Variants in AGPAT4 observed in about 807,000 individuals in gnomAD.
AGPAT4 encodes the protein 1-acyl-sn-glycerol-3-phosphate acyltransferase delta.
In AGPAT4, 15 loss-of-function variants were observed where a neutral mutation model predicts 48.0. That is an observed-to-expected ratio of 0.31 (90% CI 0.21 to 0.48). The LOEUF (loss-of-function observed/expected upper bound fraction) is 0.48. Ranked by LOEUF, AGPAT4 falls within the 20% of genes least tolerant of loss-of-function variation. The pLI, the probability that AGPAT4 is intolerant of heterozygous loss-of-function variation, is 0.99. For synonymous variants in AGPAT4, 178 were observed against 198.7 expected, an observed-to-expected ratio of 0.90 and a Z score of 0.88; for missense variants, 314 against 482.5, an observed-to-expected ratio of 0.65 and a Z score of 3.27.
In AGPAT4 at chr6:161,232,904, C is replaced by G. The variant is rs1044384526; in HGVS notation, c.-89-602G>C. The stretch of plus-strand genomic sequence containing the variant: ...TAGGGAAGCATTTACTTGAAAACCA[C>G]CACTGTTTCTCCAGCACATGAGAGC... On this transcript the variant is annotated intron_variant, in intron 1 of 8. Coordinates refer to ENST00000320285, the MANE Select transcript of AGPAT4 (RefSeq NM_020133.3). This position sits in a 1 kb window ranked among gnomAD's most constrained non-coding sequence, Gnocchi z 6.8. Among the ~76,000 whole-genome samples the G allele has an allele frequency of 1.3e-5, 2 of 152,182 alleles. No homozygotes were observed. The highest frequency in any genetic ancestry group is 1.3e-4 in the Admixed American group (2 of 15,278).
rs75284345 is a variant in AGPAT4 at position 161,136,945 on chromosome 6, C to T, written c.1043-311G>A. Among the ~76,000 whole-genome samples, 412 of 152,332 alleles carry T rather than the reference C, an allele frequency of 2.7e-3. 1 individual carries two copies. Among genetic ancestry groups the T allele is most frequent in the African/African-American group, 9.6e-3 (399 of 41,562 alleles). On this transcript the variant is annotated intron_variant, in intron 8 of 8. Transcript: ENST00000320285. Reference sequence around the variant, plus strand: ...AGAAATCCCTGGCTTCCTCTGCTGACCCCCAGGTAAAGAGGATTCTTTTGT... The same window carrying T: ...AGAAATCCCTGGCTTCCTCTGCTGATCCCCAGGTAAAGAGGATTCTTTTGT...
In AGPAT4 at chr6:161,171,716, T is replaced by G. The variant is rs1437205649; in HGVS notation, c.179-5299A>C. On this transcript the variant is annotated intron_variant, in intron 2 of 8. Transcript: ENST00000320285. The surrounding 1 kb of genome is among the most constrained non-coding windows in gnomAD (Gnocchi z 4.4). ...CATCCTGGCTAACACAGTGAAACCC[T>G]GTCTCTACTAAAAATACAAAAAAAA... Among the ~76,000 whole-genome samples the G allele has an allele frequency of 6.7e-6, 1 of 149,148 alleles. No individual in the cohort carries two copies. The highest frequency in any genetic ancestry group is 6.7e-5 in the Admixed American group (1 of 14,914).
intron 7 of AGPAT4, among the ~76,000 whole-genome samples, chr6:161,145,285 G>A (rs1184846941): frequency 2.0e-5 from 3 of 151,592 alleles, no homozygotes; most frequent in Admixed American, 1.3e-4. Flanking sequence ...ACTGGGGTTC[G>A]GGCCTGGGAA....
chr6:161,182,100 C>T (rs149701579), intron 2 of AGPAT4, among the ~76,000 whole-genome samples: 1 of 152,204 alleles, frequency 6.6e-6, no homozygotes, highest in African/African-American at 2.4e-5. Context: ...TCTGAACAGG[C>T]AGCAGGGCAA....
intron 2 of AGPAT4, among the ~76,000 whole-genome samples, chr6:161,224,945 A>T (rs2115030379): frequency 6.6e-6 from 1 of 152,286 alleles, no homozygotes; most frequent in South Asian, 2.1e-4. Context: ...TTCTACTTTT[A>T]ATCTTAACTT....
rs1782803106 is a variant in AGPAT4, at chr6:161,251,545, C to T, written c.-89-19243G>A. ...CCTCTCCACCTGATCTCCTCTTCCT[C>T]TCCCAGAGGCTGCACAACGTTACCC... On this transcript the variant is annotated intron_variant, in intron 1 of 8. Coordinates refer to ENST00000320285, the MANE Select transcript of AGPAT4 (RefSeq NM_020133.3). The surrounding 1 kb of genome is among the most constrained non-coding windows in gnomAD (Gnocchi z 4.6). Among the ~76,000 whole-genome samples, 5 of 152,346 alleles carry T rather than the reference C, an allele frequency of 3.3e-5. No homozygotes were observed. In the South Asian group the frequency reaches 1.0e-3, roughly 32 times the overall value.
chr6:161,221,394 T>C lies in AGPAT4; in HGVS notation c.178+10642A>G, dbSNP rs1313364459. ...AGGATTTCTTGGCCTCGTCCATGGA[T>C]AAAAGCAAGGTATTTTATCGTATAA... On this transcript the variant is annotated intron_variant, in intron 2 of 8. Coordinates refer to ENST00000320285, the MANE Select transcript of AGPAT4 (RefSeq NM_020133.3). The surrounding 1 kb of genome is among the most constrained non-coding windows in gnomAD (Gnocchi z 4.5). Among the ~76,000 whole-genome samples the C allele has an allele frequency of 1.3e-5, 2 of 152,178 alleles. No homozygotes were observed. Among genetic ancestry groups the C allele is most frequent in the South Asian group, 2.1e-4 (1 of 4,824 alleles).
In AGPAT4 at chr6:161,233,482, T is replaced by C. The variant is rs1782185259; in HGVS notation, c.-89-1180A>G. ...CTTTTTTAATAATGAACAATCTGTA[T>C]ACAGATGGTCCTCGACTTATGATTC... On this transcript the variant is annotated intron_variant, in intron 1 of 8. Coordinates refer to ENST00000320285, the MANE Select transcript of AGPAT4 (RefSeq NM_020133.3). This position sits in a 1 kb window ranked among gnomAD's most constrained non-coding sequence, Gnocchi z 5.4. 6.6e-6 allele frequency among the ~76,000 whole-genome samples: 1 copy of C among 152,218 alleles called. No individual in the cohort carries two copies. The highest frequency in any genetic ancestry group is 1.5e-5 in the Non-Finnish European group (1 of 68,040).
rs112313316 is a variant in AGPAT4, at chr6:161,138,019, G to A, written c.1043-1385C>T. Among the ~76,000 whole-genome samples the A allele has an allele frequency of 2.4e-4, 37 of 152,290 alleles. No individual in the cohort carries two copies. The highest frequency in any genetic ancestry group is 6.7e-4 in the African/African-American group (28 of 41,558). On this transcript the variant is annotated intron_variant, in intron 8 of 8. Transcript: ENST00000320285. The surrounding 1 kb of genome is among the most constrained non-coding windows in gnomAD (Gnocchi z 4.8). ...TCCTGAAGGGGCCCCTCTCCAAGAC[G>A]GCGTGGGTGTGTGTGTGCCTTGCTG...
In AGPAT4 at chr6:161,234,009, T is replaced by C. The variant is rs1157387616; in HGVS notation, c.-89-1707A>G. Among the ~76,000 whole-genome samples the C allele has an allele frequency of 6.6e-6, 1 of 152,164 alleles. No individual in the cohort carries two copies. Among genetic ancestry groups the C allele is most frequent in the Non-Finnish European group, 1.5e-5 (1 of 68,036 alleles). ...ACTGATCTTGGGGCTCAGTTTTAAC[T>C]CCGAGCTCTTTCTCCTGCACGTGTC... On this transcript the variant is annotated intron_variant, in intron 1 of 8. Coordinates refer to ENST00000320285, the MANE Select transcript of AGPAT4 (RefSeq NM_020133.3). The surrounding 1 kb of genome is among the most constrained non-coding windows in gnomAD (Gnocchi z 4.4).
Position 161,261,512 on chromosome 6 carries a change from A to C in AGPAT4, c.-90+12426T>G, listed in dbSNP as rs1388403091. On this transcript the variant is annotated intron_variant, in intron 1 of 8. Transcript: ENST00000320285. The surrounding 1 kb of genome is among the most constrained non-coding windows in gnomAD (Gnocchi z 5.3). The stretch of plus-strand genomic sequence containing the variant: ...TCACATTCACCACACTGCTCCAGGG[A>C]AACGCCCGGCTCACGGCTGACTCAT... Among the ~76,000 whole-genome samples the C allele has an allele frequency of 2.0e-5, 3 of 152,198 alleles. No individual in the cohort carries two copies. Among genetic ancestry groups the C allele is most frequent in the Non-Finnish European group, 4.4e-5 (3 of 68,038 alleles).
intron 2 of AGPAT4, among the ~76,000 whole-genome samples, chr6:161,181,960 T>G (rs970258866): frequency 6.6e-6 from 1 of 152,168 alleles, no homozygotes; most frequent in Non-Finnish European, 1.5e-5. Context: ...ACATGAATGA[T>G]AGTCCCTCTG....
Position 161,266,758 on chromosome 6 carries a change from T to C in AGPAT4, c.-90+7180A>G, listed in dbSNP as rs3798949. Reference sequence around the variant, plus strand: ...GATGATTGCATTGATTGTCTGCTGATGGCTGCAGTATCCTGGGAAGAAGAT... The same window carrying C: ...GATGATTGCATTGATTGTCTGCTGACGGCTGCAGTATCCTGGGAAGAAGAT... On this transcript the variant is annotated intron_variant, in intron 1 of 8. Coordinates refer to ENST00000320285, the MANE Select transcript of AGPAT4 (RefSeq NM_020133.3). This position sits in a 1 kb window ranked among gnomAD's most constrained non-coding sequence, Gnocchi z 6.2. Among the ~76,000 whole-genome samples the C allele has an allele frequency of 0.058, 8,784 of 152,302 alleles. 401 individuals are homozygous for C. The highest frequency in any genetic ancestry group is 0.27 in the East Asian group (1,393 of 5,170).
intron 3 of AGPAT4, chr6:161,160,698 G>A (rs2114973678): frequency 1.2e-5 from 4 of 326,470 alleles, no homozygotes; most frequent in South Asian, 1.1e-4. Flanking sequence ...GGTCACGGCT[G>A]TCAGGACACA....
Position 161,238,959 on chromosome 6 carries a change from T to C in AGPAT4, c.-89-6657A>G, listed in dbSNP as rs963837766. Among the ~76,000 whole-genome samples, 2 of 152,218 alleles carry C rather than the reference T, an allele frequency of 1.3e-5. No individual in the cohort carries two copies. The highest frequency in any genetic ancestry group is 4.8e-5 in the African/African-American group (2 of 41,446). ...AGAACTGTGAGTCAATTAAACCTCT[T>C]TCCTTTATAAATTACCCAGTCTCGA... On this transcript the variant is annotated intron_variant, in intron 1 of 8. Transcript: ENST00000320285. This position sits in a 1 kb window ranked among gnomAD's most constrained non-coding sequence, Gnocchi z 5.2.
At position 161,137,982 on chromosome 6, in the gene AGPAT4, C is replaced by A. The variant is rs185477814; in HGVS notation, c.1043-1348G>T. Among the ~76,000 whole-genome samples the A allele has an allele frequency of 6.6e-6, 1 of 152,224 alleles. No homozygotes were observed. The highest frequency in any genetic ancestry group is 1.5e-5 in the Non-Finnish European group (1 of 68,034). Reference sequence around the variant, plus strand: ...TCGCTACACAGCTGGGTGGCCCTGTCTGCAGCCTTCATCCTGAAGGGGCCC... The same window carrying A: ...TCGCTACACAGCTGGGTGGCCCTGTATGCAGCCTTCATCCTGAAGGGGCCC... On this transcript the variant is annotated intron_variant, in intron 8 of 8. Coordinates refer to ENST00000320285, the MANE Select transcript of AGPAT4 (RefSeq NM_020133.3). This position sits in a 1 kb window ranked among gnomAD's most constrained non-coding sequence, Gnocchi z 6.1.
At chr6:161,188,633 A>T (rs1398046113) in intron 2 of AGPAT4, among the ~76,000 whole-genome samples, 13 of 152,216 alleles carry the variant, frequency 8.5e-5, no homozygotes, top group Non-Finnish European at 1.3e-4. Flanking sequence ...AATCATGTGT[A>T]TATGAAATTT....
chr6:161,218,247 G>A lies in AGPAT4; in HGVS notation c.178+13789C>T, dbSNP rs139163270. Among the ~76,000 whole-genome samples the A allele has an allele frequency of 4.0e-4, 61 of 152,162 alleles. 1 individual carries two copies. The East Asian group carries it at 0.011, about 27-fold the overall frequency. On this transcript the variant is annotated intron_variant, in intron 2 of 8. Coordinates refer to ENST00000320285, the MANE Select transcript of AGPAT4 (RefSeq NM_020133.3). This position sits in a 1 kb window ranked among gnomAD's most constrained non-coding sequence, Gnocchi z 4.7. ...GTGTGGCAGGGGAGGCAGTAGGTGG[G>A]AGGAAAAAAAGCCCTGATTTATAGT... is the stretch of plus-strand genomic sequence containing the variant.
At position 161,236,154 on chromosome 6, in the gene AGPAT4, AC is replaced by A. The variant is rs1287360230; in HGVS notation, c.-89-3853del. Among the ~76,000 whole-genome samples the A allele has an allele frequency of 1.3e-5, 2 of 152,224 alleles. No homozygotes were observed. Among genetic ancestry groups the A allele is most frequent in the African/African-American group, 4.8e-5 (2 of 41,454 alleles). On this transcript the variant is annotated intron_variant, in intron 1 of 8. Coordinates refer to ENST00000320285, the MANE Select transcript of AGPAT4 (RefSeq NM_020133.3). The surrounding 1 kb of genome is among the most constrained non-coding windows in gnomAD (Gnocchi z 5.0). ...AGCAAATCCACTTCAGTGGCTTATTACATGAGGCAAGAATATGACAAAGAAC... is the reference window on the plus strand; with the variant it reads ...AGCAAATCCACTTCAGTGGCTTATTAATGAGGCAAGAATATGACAAAGAAC...
Sources: gnomAD v4.1 joint callset for allele counts (sites outside exome capture counted in the v4.1 genomes callset) on GRCh38, gnomAD v4.1.1 for gene constraint, Gnocchi (gnomAD v3.1) non-coding constraint, MANE v1.5 for transcripts, NCBI Gene and HGNC (gene_info 2026-07-23, HGNC 2026-07-21) for gene names.